Variants in MED28 observed in about 807,000 individuals in gnomAD.
MED28 encodes the protein mediator complex subunit 28, also known as mediator of RNA polymerase II transcription subunit 28.
In MED28, 26 loss-of-function variants were observed where a neutral mutation model predicts 21.3. That is an observed-to-expected ratio of 1.22 (90% CI 0.89 to 1.69). The LOEUF (loss-of-function observed/expected upper bound fraction) is 1.69, where lower values mean the gene tolerates loss of function less well. Ranked by LOEUF, MED28 falls within the 40% of genes most tolerant of loss-of-function variation. The pLI is 0.00. For missense variants in MED28, 257 were observed against 215.4 expected (o/e 1.19, Z -1.21); for synonymous variants, 110 against 87.6 (o/e 1.26, Z -1.43).
In MED28 at chr4:17,633,765, G is replaced by T. The variant is rs61741415; in HGVS notation, c.*9967G>T. ...CAGCTGGGGCTTGGGTCCAAGCTGG[G>T]TGATGTAGTTATTGGAGGGGCATTA... is the stretch of plus-strand genomic sequence containing the variant. On this transcript the variant is annotated 3_prime_UTR_variant, in exon 4 of 4. Coordinates refer to ENST00000237380, the MANE Select transcript of MED28 (RefSeq NM_025205.5). 1,699 of 1,551,454 alleles carry T rather than the reference G, an allele frequency of 1.1e-3. 23 individuals carry two copies. The African/African-American group carries it at 0.02, about 19-fold the overall frequency.
rs947751646 is a variant in MED28, at chr4:17,625,498, G to A, written c.*1700G>A. On this transcript the variant is annotated 3_prime_UTR_variant, in exon 4 of 4. Coordinates refer to ENST00000237380, the MANE Select transcript of MED28 (RefSeq NM_025205.5). ...TAAATAAACTGATTAGGTTTTAGGCGTTCTTTCAAAGAGGTTCTTGAGAAG... is the reference window on the plus strand; with the variant it reads ...TAAATAAACTGATTAGGTTTTAGGCATTCTTTCAAAGAGGTTCTTGAGAAG... The A allele has an allele frequency of 1.4e-5, 4 of 280,230 alleles. No individual in the cohort carries two copies. Among genetic ancestry groups the A allele is most frequent in the South Asian group, 2.9e-5 (1 of 33,954 alleles). The allele number at this position is 280,230 out of a possible 1,614,324, so 17.4% of individuals were successfully genotyped here. A position where few individuals can be genotyped will look rare whatever the true frequency, so the allele number is the denominator to read the frequency against.
At chr4:17,618,044 C>T (rs1387483686) in intron 1 of MED28, among the ~76,000 whole-genome samples, 1 of 129,238 alleles carries the variant, frequency 7.7e-6, no homozygotes, top group Non-Finnish European at 1.6e-5. Context: ...CAGAGTCTCA[C>T]TCTGTCACCC....
Position 17,632,547 on chromosome 4 carries a change from C to T in MED28, c.*8749C>T. On this transcript the variant is annotated 3_prime_UTR_variant, in exon 4 of 4. Coordinates refer to ENST00000237380, the MANE Select transcript of MED28 (RefSeq NM_025205.5). ...AAAGGTTAGCTTAGAAAGAAAAGTA[C>T]TTGGTGAACCATTCCTGGTGCGGAG... 1.3e-6 allele frequency: 2 copies of T among 1,551,108 alleles called. No homozygotes were observed. Among genetic ancestry groups the T allele is most frequent in the Middle Eastern group, 1.7e-4 (1 of 5,988 alleles).
Position 17,633,968 on chromosome 4 carries a change from C to T in MED28, c.*10170C>T. 1.8e-6 allele frequency: 2 copies of T among 1,138,146 alleles called. No individual in the cohort carries two copies. Among genetic ancestry groups the T allele is most frequent in the Non-Finnish European group, 1.2e-6 (1 of 860,054 alleles). 70.5% of individuals were successfully genotyped at this position (1,138,146 alleles called of 1,614,324 possible). On this transcript the variant is annotated 3_prime_UTR_variant, in exon 4 of 4. Transcript: ENST00000237380. ...CATTATTGTAAAAGCAAATAATGCT[C>T]ACCCAATCAAAATTGTATCGGAGAA...
rs1434226948 is a variant in MED28, at chr4:17,624,960, G to A, written c.*1162G>A. 1 of 152,054 alleles carries A rather than the reference G, an allele frequency of 6.6e-6. No homozygotes were observed. Among genetic ancestry groups the A allele is most frequent in the African/African-American group, 2.4e-5 (1 of 41,362 alleles). The allele number at this position is 152,054 out of a possible 1,614,324, so 9.4% of individuals were successfully genotyped here. ...TTATTAGATCACATCCCTTTACCCA[G>A]AACAAATGCTTCACTGTCTTCTGAT... On this transcript the variant is annotated 3_prime_UTR_variant, in exon 4 of 4. Coordinates refer to ENST00000237380, the MANE Select transcript of MED28 (RefSeq NM_025205.5).
chr4:17,614,921 G>A (rs1714403245), intron 1 of MED28, 108 bp downstream of exon 1: 1 of 1,325,410 alleles, frequency 7.5e-7, no homozygotes. Context: ...ATTCACAAAT[G>A]GGGAAACTGA....
Position 17,623,916 on chromosome 4 carries a change from G to A in MED28, c.*118G>A, listed in dbSNP as rs1714705991. 8.6e-7 allele frequency: 1 copy of A among 1,163,000 alleles called. No homozygotes were observed. Among genetic ancestry groups the A allele is most frequent in the Non-Finnish European group, 1.2e-6 (1 of 828,980 alleles). The allele number at this position is 1,163,000 out of a possible 1,614,324, so 72.0% of individuals were successfully genotyped here. A position where few individuals can be genotyped will look rare whatever the true frequency, so the allele number is the denominator to read the frequency against. On this transcript the variant is annotated 3_prime_UTR_variant, in exon 4 of 4. Transcript: ENST00000237380. ...TTTGCCAGATAATGAGTTCATTTTA[G>A]TTTTATGCTCCCATTGAAAAATTTT...
chr4:17,628,534 G>T lies in MED28; in HGVS notation c.*4736G>T, dbSNP rs1714832423. ...CTTTGTGACACCCTCTGTCTGAGAA[G>T]TCCTATGGTTCTCTGTGATGAATAG... On this transcript the variant is annotated 3_prime_UTR_variant, in exon 4 of 4. Transcript: ENST00000237380. The T allele has an allele frequency of 6.6e-6, 1 of 151,998 alleles. No individual in the cohort carries two copies. Among genetic ancestry groups the T allele is most frequent in the African/African-American group, 2.4e-5 (1 of 41,378 alleles). 9.4% of individuals were successfully genotyped at this position (151,998 alleles called of 1,614,324 possible). A position where few individuals can be genotyped will look rare whatever the true frequency, so the allele number is the denominator to read the frequency against.
Position 17,623,724 on chromosome 4 carries a change from G to A in MED28, c.463G>A (p.Asp155Asn), listed in dbSNP as rs751433621. Residue 155 changes from aspartate to asparagine, a missense_variant, in exon 4 of 4, where the codon GAC becomes AAC. Coordinates refer to ENST00000237380, the MANE Select transcript of MED28 (RefSeq NM_025205.5). ...CAACGTGCAGCACAAAAAGCCCGCCGACATCCCTCAGGGCTCCTTGGCCTA... is the reference window on the plus strand; with the variant it reads ...CAACGTGCAGCACAAAAAGCCCGCCAACATCCCTCAGGGCTCCTTGGCCTA... ...DINVQHKKPA[D>N]IPQGSLAYLE... 2.9e-5 allele frequency: 47 copies of A among 1,614,086 alleles called. No homozygotes were observed. The highest frequency in any genetic ancestry group is 3.7e-5 in the Non-Finnish European group (44 of 1,180,044).
At position 17,624,002 on chromosome 4, in the gene MED28, A is replaced by G. The variant is rs1376479608; in HGVS notation, c.*204A>G. On this transcript the variant is annotated 3_prime_UTR_variant, in exon 4 of 4. Coordinates refer to ENST00000237380, the MANE Select transcript of MED28 (RefSeq NM_025205.5). ...TTTATAACATGTCTGTAGCTTGGAT[A>G]AACCAAGTAAGTATTTTTTTTTTGT... 5.1e-6 allele frequency: 3 copies of G among 585,750 alleles called. No homozygotes were observed. The highest frequency in any genetic ancestry group is 4.8e-5 in the South Asian group (2 of 41,916). 36.3% of individuals were successfully genotyped at this position (585,750 alleles called of 1,614,324 possible).
In MED28 at chr4:17,633,844, C is replaced by A. The variant is rs770765197; in HGVS notation, c.*10046C>A. ...AGTTCTTTGCATAGGAGGCGAGGTTCGGCACGCTGACCACGCGGCTGGGCA... is the reference window on the plus strand; with the variant it reads ...AGTTCTTTGCATAGGAGGCGAGGTTAGGCACGCTGACCACGCGGCTGGGCA... On this transcript the variant is annotated 3_prime_UTR_variant, in exon 4 of 4. Transcript: ENST00000237380. The A allele has an allele frequency of 1.3e-6, 2 of 1,551,270 alleles. No individual in the cohort carries two copies. Among genetic ancestry groups the A allele is most frequent in the Non-Finnish European group, 8.7e-7 (1 of 1,146,854 alleles).
rs1367034927 is a variant in MED28, at chr4:17,633,735, G to A, written c.*9937G>A. On this transcript the variant is annotated 3_prime_UTR_variant, in exon 4 of 4. Coordinates refer to ENST00000237380, the MANE Select transcript of MED28 (RefSeq NM_025205.5). ...GTAGACTGGTTGGGTTTGTAGGTCC[G>A]GCCACAGCTGGGGCTTGGGTCCAAG... 13 of 1,549,774 alleles carry A rather than the reference G, an allele frequency of 8.4e-6. No individual in the cohort carries two copies. Among genetic ancestry groups the A allele is most frequent in the Admixed American group, 5.9e-5 (3 of 50,754 alleles).
At chr4:17,622,859 G>A (rs771561880) in intron 3 of MED28, among the ~76,000 whole-genome samples, 1 of 152,200 alleles carries the variant, frequency 6.6e-6, no homozygotes, top group Non-Finnish European at 1.5e-5. Flanking sequence ...GAGAGCTTGT[G>A]CAAGGAAACT....
At position 17,625,572 on chromosome 4, in the gene MED28, G is replaced by T. The variant is rs913234147; in HGVS notation, c.*1774G>T. 13 of 412,792 alleles carry T rather than the reference G, an allele frequency of 3.1e-5. No homozygotes were observed. Among genetic ancestry groups the T allele is most frequent in the Non-Finnish European group, 5.3e-5 (11 of 209,288 alleles). 25.6% of individuals were successfully genotyped at this position (412,792 alleles called of 1,614,324 possible). ...CTTAGTGAAAAGATTTTGAATTACT[G>T]TACGTACCAGTTGTTGCCATTTCTT... On this transcript the variant is annotated 3_prime_UTR_variant, in exon 4 of 4. Transcript: ENST00000237380.
chr4:17,622,874 T>C (rs1009852826), intron 3 of MED28, among the ~76,000 whole-genome samples: 1 of 152,174 alleles, frequency 6.6e-6, no homozygotes, highest in African/African-American at 2.4e-5. Flanking sequence ...GAAACTCCCA[T>C]TTTTAAAACC....
chr4:17,623,509 CT>C (rs1342389689), intron 3 of MED28, 91 bp from the exon 4 acceptor site: 1 of 1,242,820 alleles, frequency 8.0e-7, no homozygotes. Flanking sequence ...AATGGATTCT[CT>C]TTGTTTTGAA....
rs371528890 is a variant in MED28, at chr4:17,614,694, C to G, written c.40C>G (p.Pro14Ala). 6.2e-7 allele frequency: 1 copy of G among 1,613,998 alleles called. No homozygotes were observed. The highest frequency in any genetic ancestry group is 1.3e-5 in the African/African-American group (1 of 74,934). ...PLGGMFSGQP[P>A]GPPQAPPGLP... ...AGGGGGTATGTTTTCTGGGCAGCCACCCGGTCCCCCTCAGGCCCCGCCGGG... is the reference window on the plus strand; with the variant it reads ...AGGGGGTATGTTTTCTGGGCAGCCAGCCGGTCCCCCTCAGGCCCCGCCGGG... Residue 14 changes from proline (P) to alanine (A), a missense_variant, in exon 1 of 4, where the codon CCC becomes GCC. Transcript: ENST00000237380.
At position 17,624,146 on chromosome 4, in the gene MED28, C is replaced by G. The variant is rs1714713355; in HGVS notation, c.*348C>G. 3.6e-6 allele frequency: 1 copy of G among 276,530 alleles called. No homozygotes were observed. Among genetic ancestry groups the G allele is most frequent in the South Asian group, 4.3e-5 (1 of 23,432 alleles). The allele number at this position is 276,530 out of a possible 1,614,324, so 17.1% of individuals were successfully genotyped here. On this transcript the variant is annotated 3_prime_UTR_variant, in exon 4 of 4. Transcript: ENST00000237380. ...TTATGTGTGTTTCCTGTAGTTTGAT[C>G]CGAAGGAAAAGAGTATAGTAGCCTG...
In MED28 at chr4:17,621,638, G is replaced by A. The variant is rs1390309800; in HGVS notation, c.278G>A (p.Cys93Tyr). 5 of 1,610,884 alleles carry A rather than the reference G, an allele frequency of 3.1e-6. No individual in the cohort carries two copies. The highest frequency in any genetic ancestry group is 4.2e-6 in the Non-Finnish European group (5 of 1,179,292). ...CTGGATATTGCAAGACAGACAGAAT[G>A]TTTTTTCTTACAAAAAAGATTGCAG... is the stretch of plus-strand genomic sequence containing the variant. The part of the protein sequence containing the change: ...KFLDIARQTE[C>Y]FFLQKRLQLS... Residue 93 changes from cysteine to tyrosine, a missense_variant, in exon 3 of 4, where the codon TGT becomes TAT. Coordinates refer to ENST00000237380, the MANE Select transcript of MED28 (RefSeq NM_025205.5).
Sources: allele counts gnomAD v4.1 joint callset (sites outside exome capture counted in the v4.1 genomes callset), GRCh38; gene constraint gnomAD v4.1.1; transcripts MANE v1.5; gene names NCBI Gene and HGNC (gene_info 2026-07-23, HGNC 2026-07-21).